IQCE: variants seen among roughly 807,000 people sequenced by gnomAD.
IQCE encodes IQ motif containing E, also known as IQ domain-containing protein E.
Under a neutral mutation model 96.0 loss-of-function variants are expected in IQCE, and 115 were observed. The ratio of observed to expected loss-of-function variants is 1.20; its 90% CI spans 1.03 to 1.40. The LOEUF is 1.40. Among genes scored for constraint, IQCE ranks in the 40% most tolerant of loss-of-function variants. The pLI, the probability that IQCE is intolerant of heterozygous loss-of-function variation, is 0.00. For missense variants in IQCE, 1,041 were observed against 909.1 expected (o/e 1.15, Z -1.87); for synonymous variants, 412 against 371.2 (o/e 1.11, Z -1.26).
intron 18 of IQCE, among the ~76,000 whole-genome samples, chr7:2,604,144 C>T (rs1351172384): frequency 6.0e-5 from 9 of 151,074 alleles, no homozygotes; most frequent in African/African-American, 1.7e-4. Flanking sequence ...ATGCGCGCCA[C>T]GTCTGGCTAA....
chr7:2,578,114 C>T (rs1174237633), intron 6 of IQCE, 128 bp from the exon 7 acceptor site: 2 of 684,680 alleles, frequency 2.9e-6, no homozygotes, highest in African/African-American at 1.8e-5. Context: ...GTGTGCGTGG[C>T]TGTGCGCGTG....
In IQCE at chr7:2,604,810, G is replaced by A. The variant is rs1286859280; in HGVS notation, c.1633-71G>A. ...CTGCCGTGGCAGCTCTCTCCTCGGC[G>A]CCTCCCTCTCGCCCGCCGTTGCCCC... On this transcript the variant is annotated intron_variant, in intron 18 of 21. Coordinates refer to ENST00000402050, the MANE Select transcript of IQCE (RefSeq NM_152558.5). The A allele has an allele frequency of 4.7e-6, 5 of 1,056,218 alleles. No individual in the cohort carries two copies. The Admixed American group carries it at 5.6e-5, about 12-fold the overall frequency. The allele number at this position is 1,056,218 out of a possible 1,614,324, so 65.4% of individuals were successfully genotyped here. A position where few individuals can be genotyped will look rare whatever the true frequency, so the allele number is the denominator to read the frequency against.
Position 2,559,131 on chromosome 7 carries a change from C to T in IQCE, c.-51C>T, listed in dbSNP as rs1444858089. On this transcript the variant is annotated 5_prime_UTR_variant, in exon 1 of 22. Coordinates refer to ENST00000402050, the MANE Select transcript of IQCE (RefSeq NM_152558.5). ...CAGGGCTGCCCGCGGATTCCCAGACCCGGACGCCCGAGCCAGCAACCCTGA... is the reference window on the plus strand; with the variant it reads ...CAGGGCTGCCCGCGGATTCCCAGACTCGGACGCCCGAGCCAGCAACCCTGA... 3.4e-6 allele frequency: 4 copies of T among 1,187,226 alleles called. No individual in the cohort carries two copies. The highest frequency in any genetic ancestry group is 8.4e-5 in the South Asian group (2 of 23,746). The allele number at this position is 1,187,226 out of a possible 1,614,324, so 73.5% of individuals were successfully genotyped here.
At chr7:2,583,585 G>A in intron 9 of IQCE, 52 bp from the exon 10 acceptor site, 1 of 1,400,072 alleles carries the variant, frequency 7.1e-7, no homozygotes, top group East Asian at 2.5e-5. Flanking sequence ...CTCTTGCTCT[G>A]TCCCCTGGGA....
chr7:2,580,963 A>T (rs1782619753), intron 8 of IQCE, among the ~76,000 whole-genome samples: 1 of 151,690 alleles, frequency 6.6e-6, no homozygotes, highest in Admixed American at 6.6e-5. Context: ...CTACTCAGCT[A>T]CTCCTGAGTA....
Position 2,594,057 on chromosome 7 carries a change from C to G in IQCE, c.1350-829C>G, listed in dbSNP as rs534440380. ...CGGGCAGATCGTGAGGTCAGGAGTTCAAGACCAGCCTGACCAACATGGTGA... is the reference window on the plus strand; with the variant it reads ...CGGGCAGATCGTGAGGTCAGGAGTTGAAGACCAGCCTGACCAACATGGTGA... On this transcript the variant is annotated intron_variant, in intron 15 of 21. Transcript: ENST00000402050. Among the ~76,000 whole-genome samples the G allele has an allele frequency of 2.0e-5, 3 of 151,940 alleles. No individual in the cohort carries two copies. In the East Asian group the frequency reaches 5.8e-4, roughly 29 times the overall value.
At chr7:2,579,463 A>AGT (rs926133147) in intron 8 of IQCE, among the ~76,000 whole-genome samples, 49 of 152,320 alleles carry the variant, frequency 3.2e-4, no homozygotes, top group African/African-American at 1.2e-3. Flanking sequence ...AATACAACAA[A>AGT]GTTTTCTGTT....
intron 18 of IQCE, chr7:2,601,738 C>T (rs3942023): frequency 0.12 from 45,363 of 382,806 alleles, 2,867 homozygotes; most frequent in Admixed American, 0.15. Flanking sequence ...TTAGGAGAGA[C>T]GGGGTTTCTC....
intron 11 of IQCE, among the ~76,000 whole-genome samples, 157 bp from the exon 12 acceptor site, chr7:2,586,051 A>C (rs189037190): frequency 1.1e-3 from 167 of 152,286 alleles, no homozygotes; most frequent in African/African-American, 3.5e-3. Flanking sequence ...TAGAGTTCAA[A>C]GTTATTACTG....
intron 17 of IQCE, among the ~76,000 whole-genome samples, chr7:2,600,624 C>T (rs1247559864): frequency 3.3e-5 from 5 of 152,252 alleles, no homozygotes. Context: ...GTCTGTCTGT[C>T]TCACTCTTAT....
chr7:2,567,952 T>C (rs879881668), intron 2 of IQCE, among the ~76,000 whole-genome samples: 14 of 152,032 alleles, frequency 9.2e-5, no homozygotes, highest in Admixed American at 5.9e-4. Flanking sequence ...CCAGGGAAAA[T>C]TCCCCCCGCG....
rs1782391114 is a variant in IQCE at position 2,578,510 on chromosome 7, G to A, written c.614G>A (p.Arg205Lys). Residue 205 changes from arginine to lysine, a missense_variant, in exon 8 of 22, where the codon AGG becomes AAG. Coordinates refer to ENST00000402050, the MANE Select transcript of IQCE (RefSeq NM_152558.5). ...TDFVRTLAEK[R>K]PDASWVINGL... Reference sequence around the variant, plus strand: ...TTTGTTCGGACTCTGGCAGAGAAAAGGCCCGATGCCAGTTGGGTGAGTATG... The same window carrying A: ...TTTGTTCGGACTCTGGCAGAGAAAAAGCCCGATGCCAGTTGGGTGAGTATG... 6.2e-7 allele frequency: 1 copy of A among 1,614,086 alleles called. No homozygotes were observed. The highest frequency in any genetic ancestry group is 8.5e-7 in the Non-Finnish European group (1 of 1,180,038).
intron 18 of IQCE, among the ~76,000 whole-genome samples, chr7:2,603,694 A>C (rs995438760): frequency 6.6e-6 from 1 of 152,180 alleles, no homozygotes; most frequent in African/African-American, 2.4e-5. Context: ...CCACATGGTC[A>C]CCACACTCTG....
At position 2,578,492 on chromosome 7, in the gene IQCE, G is replaced by A. The variant is rs1782389238; in HGVS notation, c.596G>A (p.Arg199Gln). ...LDPSRGTDFV[R>Q]TLAEKRPDAS... ...TTACCACAGGGCACGGATTTTGTTC[G>A]GACTCTGGCAGAGAAAAGGCCCGAT... is the stretch of plus-strand genomic sequence containing the variant. Residue 199 changes from arginine to glutamine, a missense_variant, in exon 8 of 22, where the codon CGG becomes CAG. Transcript: ENST00000402050. 1.9e-6 allele frequency: 3 copies of A among 1,614,136 alleles called. No individual in the cohort carries two copies. The highest frequency in any genetic ancestry group is 1.7e-5 in the Admixed American group (1 of 60,022).
In IQCE at chr7:2,583,617, C is replaced by G; in HGVS notation, c.702-20C>G. The G allele has an allele frequency of 1.9e-6, 3 of 1,581,524 alleles. No individual in the cohort carries two copies. Among genetic ancestry groups the G allele is most frequent in the Non-Finnish European group, 2.6e-6 (3 of 1,157,890 alleles). On this transcript the variant is annotated intron_variant, in intron 9 of 21. Coordinates refer to ENST00000402050, the MANE Select transcript of IQCE (RefSeq NM_152558.5). ...GGGAACGCTGGCACATCCCTATTAACGCTGAACTTGGGTTTTCAGCAAACT... is the reference window on the plus strand; with the variant it reads ...GGGAACGCTGGCACATCCCTATTAAGGCTGAACTTGGGTTTTCAGCAAACT...
chr7:2,565,345 G>A lies in IQCE; in HGVS notation c.37-1771G>A, dbSNP rs114448748. On this transcript the variant is annotated intron_variant, in intron 1 of 21. Coordinates refer to ENST00000402050, the MANE Select transcript of IQCE (RefSeq NM_152558.5). The stretch of plus-strand genomic sequence containing the variant: ...TTGTGTGATTTCCGGTCCTGACTGC[G>A]TTTCACCTCTTCCCTGCACTATGAC... Among the ~76,000 whole-genome samples the A allele has an allele frequency of 4.7e-3, 716 of 152,184 alleles. 6 individuals carry two copies. Among genetic ancestry groups the A allele is most frequent in the African/African-American group, 0.016 (672 of 41,502 alleles).
intron 16 of IQCE, among the ~76,000 whole-genome samples, chr7:2,597,672 C>T (rs1402660917): frequency 6.6e-6 from 1 of 152,148 alleles, no homozygotes. Context: ...CATAATTTTT[C>T]TTTTTTCTTT....
intron 9 of IQCE, 95 bp downstream of exon 9, chr7:2,582,745 C>T: frequency 9.3e-7 from 1 of 1,077,644 alleles, no homozygotes; most frequent in Non-Finnish European, 1.4e-6. Context: ...CGTCCTGTGT[C>T]CCTACTCCCA....
At chr7:2,567,953 T>TC (rs1396747574) in intron 2 of IQCE, among the ~76,000 whole-genome samples, 4 of 151,692 alleles carry the variant, frequency 2.6e-5, no homozygotes, top group East Asian at 1.9e-4. Flanking sequence ...CAGGGAAAAT[T>TC]CCCCCCGCGC....
Sources: allele counts gnomAD v4.1 joint callset (sites outside exome capture counted in the v4.1 genomes callset), GRCh38; gene constraint gnomAD v4.1.1; transcripts MANE v1.5; gene names NCBI Gene and HGNC (gene_info 2026-07-23, HGNC 2026-07-21).